MBOAT2: variants seen among roughly 807,000 people sequenced by gnomAD.
MBOAT2 encodes membrane bound glycerophospholipid O-acyltransferase 2.
A neutral mutation model predicts 63.4 loss-of-function variants in MBOAT2; 28 were observed. The ratio of observed to expected loss-of-function variants is 0.44; its 90% CI spans 0.33 to 0.61. The LOEUF (loss-of-function observed/expected upper bound fraction) is 0.61, where lower values mean the gene tolerates loss of function less well. MBOAT2 is among the 20% of genes least tolerant of loss of function. The probability of loss-of-function intolerance (pLI) is 0.03; values close to 1 mark genes in which losing one functional copy is unlikely to be tolerated. For synonymous variants in MBOAT2, 211 were observed against 215.6 expected, an observed-to-expected ratio of 0.98 and a Z score of 0.19; for missense variants, 470 against 605.8, an observed-to-expected ratio of 0.78 and a Z score of 2.35.
intron 3 of MBOAT2, among the ~76,000 whole-genome samples, chr2:8,914,934 C>CTTTTTTTTTTTTTTTT (rs938665533): frequency 6.6e-5 from 4 of 60,244 alleles, no homozygotes; most frequent in Non-Finnish European, 8.8e-5. Context: ...CTGGAAATTT[C>CTTTTTTTTTTTTTTTT]TTTTTTTTTT....
At chr2:8,896,495 G>C (rs1042062150) in intron 4 of MBOAT2, among the ~76,000 whole-genome samples, 1 of 152,170 alleles carries the variant, frequency 6.6e-6, no homozygotes, top group African/African-American at 2.4e-5. Context: ...CCTGCAAACT[G>C]TCTGAGAAAT....
chr2:8,912,351 G>GAAAGAAAGAA (rs1553362293), intron 3 of MBOAT2, among the ~76,000 whole-genome samples: 2 of 69,870 alleles, frequency 2.9e-5, no homozygotes. Context: ...AAGAAAGAAA[G>GAAAGAAAGAA]AGAAAGAAAG....
chr2:8,860,102 G>GCTTGAAC (rs1661390289), intron 12 of MBOAT2, among the ~76,000 whole-genome samples: 1 of 151,942 alleles, frequency 6.6e-6, no homozygotes, highest in South Asian at 2.1e-4. Context: ...GCAGAGAATT[G>GCTTGAAC]CTTGAACCTG....
intron 1 of MBOAT2, among the ~76,000 whole-genome samples, chr2:8,979,641 G>A (rs1671066516): frequency 6.6e-6 from 1 of 152,042 alleles, no homozygotes; most frequent in African/African-American, 2.4e-5. Flanking sequence ...AGGGGGTACT[G>A]CCAATATGTG....
intron 3 of MBOAT2, among the ~76,000 whole-genome samples, chr2:8,941,233 C>A (rs1263161768): frequency 1.3e-5 from 2 of 152,186 alleles, no homozygotes; most frequent in African/African-American, 4.8e-5. Context: ...TAGCAATTTA[C>A]TCACATGGCA....
intron 3 of MBOAT2, among the ~76,000 whole-genome samples, chr2:8,912,381 A>AAGAAAGAAAGAGAAAGAAAGAAAGAAAG (rs1558606986): frequency 1.6e-5 from 2 of 122,682 alleles, no homozygotes; most frequent in African/African-American, 6.5e-5. Context: ...AAGAGAAAGA[A>AAGAAAGAAAGAGAAAGAAAGAAAGAAAG]AGAAAGAAAG....
chr2:8,897,950 A>G (rs1011786001), intron 4 of MBOAT2, among the ~76,000 whole-genome samples: 12 of 152,138 alleles, frequency 7.9e-5, no homozygotes, highest in African/African-American at 2.9e-4. Flanking sequence ...CATTTACATC[A>G]CGAGTAGTTC....
At chr2:8,947,213 G>C (rs1668479337) in intron 2 of MBOAT2, among the ~76,000 whole-genome samples, 1 of 152,224 alleles carries the variant, frequency 6.6e-6, no homozygotes, top group South Asian at 2.1e-4. Context: ...TCCAGATCAA[G>C]ACCCTAACTC....
chr2:8,859,915 T>C (rs960913264), intron 12 of MBOAT2, among the ~76,000 whole-genome samples: 1 of 152,210 alleles, frequency 6.6e-6, no homozygotes, highest in Non-Finnish European at 1.5e-5. Flanking sequence ...CTGGGTGTGG[T>C]GGCTCATGCC....
chr2:8,943,542 T>C (rs529754276), intron 2 of MBOAT2, among the ~76,000 whole-genome samples: 1 of 152,318 alleles, frequency 6.6e-6, no homozygotes, highest in African/African-American at 2.4e-5. Context: ...TGGGATTACA[T>C]GGCTCAGGAT....
chr2:8,884,243 G>T (rs865894228), intron 5 of MBOAT2, among the ~76,000 whole-genome samples: 1 of 149,782 alleles, frequency 6.7e-6, no homozygotes, highest in Non-Finnish European at 1.5e-5. Context: ...GAAATGTTGG[G>T]GGAGGGACAT....
At chr2:8,969,982 T>C (rs1004598568) in intron 1 of MBOAT2, among the ~76,000 whole-genome samples, 7 of 152,082 alleles carry the variant, frequency 4.6e-5, no homozygotes, top group African/African-American at 1.7e-4. Flanking sequence ...TTAACAAGGA[T>C]ATCCAGGAAT....
intron 1 of MBOAT2, among the ~76,000 whole-genome samples, chr2:8,977,336 TCA>T (rs1371183046): frequency 6.6e-6 from 1 of 152,146 alleles, no homozygotes; most frequent in Non-Finnish European, 1.5e-5. Flanking sequence ...AAGTTACATA[TCA>T]CACTTTGTGG....
chr2:8,871,703 G>A (rs988902961), intron 8 of MBOAT2, among the ~76,000 whole-genome samples: 15 of 152,176 alleles, frequency 9.9e-5, no homozygotes, highest in African/African-American at 3.4e-4. Flanking sequence ...TTTTAATGAT[G>A]CTATTGTGCA....
At position 8,988,727 on chromosome 2, in the gene MBOAT2, C is replaced by G. The variant is rs961674189; in HGVS notation, c.75+14813G>C. Among the ~76,000 whole-genome samples the G allele has an allele frequency of 5.3e-5, 8 of 151,990 alleles. No individual in the cohort carries two copies. The South Asian group carries it at 6.2e-4, about 12-fold the overall frequency. ...GTTCCATTCAAATAATGAAAAACAG[C>G]CTTTTTCATGAAAAAGCTCTATTTG... On this transcript the variant is annotated intron_variant, in intron 1 of 12. Transcript: ENST00000305997.
intron 8 of MBOAT2, 24 bp downstream of exon 8, chr2:8,873,084 G>A (rs777135842): frequency 1.9e-6 from 3 of 1,600,394 alleles, no homozygotes; most frequent in East Asian, 2.2e-5. Context: ...CAGACACAGG[G>A]AAATCTATTT....
chr2:8,982,959 G>C (rs1429582550), intron 1 of MBOAT2, among the ~76,000 whole-genome samples: 1 of 152,084 alleles, frequency 6.6e-6, no homozygotes, highest in Non-Finnish European at 1.5e-5. Context: ...ACACTGTTTT[G>C]AATAATAAGT....
At chr2:8,871,681 G>A (rs1240378937) in intron 8 of MBOAT2, among the ~76,000 whole-genome samples, 1 of 152,138 alleles carries the variant, frequency 6.6e-6, no homozygotes, top group Non-Finnish European at 1.5e-5. Flanking sequence ...TAACTCACTA[G>A]GTTACAGCAA....
intron 4 of MBOAT2, among the ~76,000 whole-genome samples, chr2:8,904,323 T>A (rs927700326): frequency 2.1e-4 from 32 of 151,876 alleles, no homozygotes; most frequent in South Asian, 8.4e-4. Context: ...TTTATTTTTT[T>A]TTTTTTGAGA....
Sources: allele counts gnomAD v4.1 joint callset (sites outside exome capture counted in the v4.1 genomes callset), GRCh38; gene constraint gnomAD v4.1.1; transcripts MANE v1.5; gene names NCBI Gene and HGNC (gene_info 2026-07-23, HGNC 2026-07-21).